ROBO2: variants seen among roughly 807,000 people sequenced by gnomAD.
The protein encoded by ROBO2 is roundabout homolog 2.
ROBO2 carries 53 observed loss-of-function variants against 160.8 expected under a neutral mutation model. The observed-to-expected ratio is 0.33, with a 90% CI of 0.26 to 0.41. ROBO2 has a LOEUF of 0.41. Ranked by LOEUF, ROBO2 falls within the 10% of genes least tolerant of loss-of-function variation. The pLI, the probability that ROBO2 is intolerant of heterozygous loss-of-function variation, is 1.00. For synonymous variants in ROBO2, 664 were observed against 611.7 expected (o/e 1.09, Z -1.26); for missense variants, 1,577 against 1,722.4 (o/e 0.92, Z 1.49).
chr3:76,390,367 G>A (rs942948169), intron 2 of ROBO2, among the ~76,000 whole-genome samples: 15 of 151,964 alleles, frequency 9.9e-5, no homozygotes, highest in African/African-American at 3.6e-4. Context: ...AAACTATTCT[G>A]TATGTATTTG....
chr3:76,372,480 G>T (rs1290912843), intron 2 of ROBO2, among the ~76,000 whole-genome samples: 1 of 151,852 alleles, frequency 6.6e-6, no homozygotes, highest in East Asian at 1.9e-4. Context: ...TTTTTATATG[G>T]TAAAATATTT....
chr3:76,191,060 G>A (rs1465117810), intron 2 of ROBO2, among the ~76,000 whole-genome samples: 1 of 152,052 alleles, frequency 6.6e-6, no homozygotes, highest in Admixed American at 6.6e-5. Context: ...TATCAAGATA[G>A]CAACAGTAGA....
At chr3:76,458,941 G>T (rs575718185) in intron 2 of ROBO2, among the ~76,000 whole-genome samples, 1 of 152,250 alleles carries the variant, frequency 6.6e-6, no homozygotes, top group African/African-American at 2.4e-5. Context: ...TTCAAGTTTA[G>T]GTTTGGGGGA....
intron 2 of ROBO2, among the ~76,000 whole-genome samples, chr3:76,250,723 G>A (rs1705940185): frequency 6.6e-6 from 1 of 151,956 alleles, no homozygotes; most frequent in African/African-American, 2.4e-5. Flanking sequence ...CAAATTTTAA[G>A]TACTAATAGT....
intron 2 of ROBO2, among the ~76,000 whole-genome samples, chr3:76,746,530 T>C (rs956102314): frequency 2.8e-4 from 43 of 151,912 alleles, no homozygotes; most frequent in African/African-American, 8.0e-4. Context: ...GCCATTCTAA[T>C]TGGTGTGAGA....
At chr3:76,863,087 G>C (rs1280324634) in intron 2 of ROBO2, among the ~76,000 whole-genome samples, 1 of 151,832 alleles carries the variant, frequency 6.6e-6, no homozygotes, top group Non-Finnish European at 1.5e-5. Context: ...TATTATAAAG[G>C]GCAAAAATTG....
At chr3:76,763,540 C>A (rs573422001) in intron 2 of ROBO2, among the ~76,000 whole-genome samples, 83 of 146,632 alleles carry the variant, frequency 5.7e-4, no homozygotes, top group Middle Eastern at 6.8e-3. Flanking sequence ...ATTACTTATT[C>A]AATCCTCCTT....
rs879328622 is a variant in ROBO2, at chr3:76,127,597, A to AAATATATAT, written c.109+189996_109+189997insATATATATA. On this transcript the variant is annotated intron_variant, in intron 2 of 26. Transcript: ENST00000487694. Reference sequence around the variant, plus strand: ...GTGCTTTCTCTATATGGTTTGAAAAAATATATATATATATATACATATACT... The same window carrying AAATATATAT: ...GTGCTTTCTCTATATGGTTTGAAAAAAATATATATATATATATATATATATACATATACT... 3.8e-3 allele frequency among the ~76,000 whole-genome samples: 452 copies of AAATATATAT among 118,394 alleles called. 7 individuals are homozygous for AAATATATAT. Among genetic ancestry groups the AAATATATAT allele is most frequent in the East Asian group, 0.029 (63 of 2,200 alleles). The allele number at this position is 118,394 out of a possible 152,430, so 77.7% of individuals were successfully genotyped here. A position where few individuals can be genotyped will look rare whatever the true frequency, so the allele number is the denominator to read the frequency against.
At chr3:77,060,469 T>C (rs1292524613) in intron 1 of ROBO2, among the ~76,000 whole-genome samples, 1 of 152,206 alleles carries the variant, frequency 6.6e-6, no homozygotes, top group African/African-American at 2.4e-5. Context: ...TTAACACTTG[T>C]ATTTGGATTG....
intron 2 of ROBO2, among the ~76,000 whole-genome samples, chr3:76,473,545 T>A (rs756466661): frequency 1.7e-4 from 26 of 152,046 alleles, no homozygotes; most frequent in Admixed American, 3.3e-4. Flanking sequence ...CCTTTGAGAG[T>A]CTGACTAGAA....
intron 2 of ROBO2, among the ~76,000 whole-genome samples, chr3:76,950,945 C>T (rs1180595483): frequency 6.6e-6 from 1 of 152,142 alleles, no homozygotes; most frequent in East Asian, 1.9e-4. Context: ...CCAGGCTGGT[C>T]TGGAACTCCC....
intron 2 of ROBO2, among the ~76,000 whole-genome samples, chr3:76,190,213 G>C (rs1039160592): frequency 6.6e-6 from 1 of 151,878 alleles, no homozygotes; most frequent in Non-Finnish European, 1.5e-5. Context: ...ACAAAAACTT[G>C]GTTTGAATAC....
At chr3:76,202,168 G>A (rs943110516) in intron 2 of ROBO2, among the ~76,000 whole-genome samples, 2 of 152,028 alleles carry the variant, frequency 1.3e-5, no homozygotes, top group African/African-American at 4.8e-5. Flanking sequence ...CACATATATC[G>A]TGTTATGCTT....
intron 2 of ROBO2, among the ~76,000 whole-genome samples, chr3:76,279,439 T>C (rs921456744): frequency 6.6e-5 from 10 of 151,928 alleles, no homozygotes; most frequent in African/African-American, 1.9e-4. Context: ...GTCTTTGGCA[T>C]TGAATATTCT....
intron 23 of ROBO2, chr3:77,634,413 AT>A: frequency 5.4e-6 from 1 of 186,232 alleles, no homozygotes; most frequent in South Asian, 1.0e-4. Context: ...ACTATATGAC[AT>A]TTTTCTGTGT....
intron 2 of ROBO2, among the ~76,000 whole-genome samples, chr3:76,936,546 A>T (rs1324670442): frequency 2.6e-5 from 4 of 151,972 alleles, no homozygotes; most frequent in African/African-American, 9.7e-5. Context: ...TTTATGAGGT[A>T]TTAAAAGCAA....
intron 2 of ROBO2, among the ~76,000 whole-genome samples, chr3:76,905,754 G>C (rs752857423): frequency 6.6e-6 from 1 of 152,218 alleles, no homozygotes; most frequent in Non-Finnish European, 1.5e-5. Context: ...TACTATGACT[G>C]TCTTACATGC....
chr3:76,708,368 G>A (rs2093215571), intron 2 of ROBO2, among the ~76,000 whole-genome samples: 1 of 152,192 alleles, frequency 6.6e-6, no homozygotes. Context: ...TTGGCAGTAG[G>A]AAAGAACATG....
chr3:77,081,083 C>A (rs2068603947), intron 1 of ROBO2, among the ~76,000 whole-genome samples: 1 of 152,032 alleles, frequency 6.6e-6, no homozygotes, highest in African/African-American at 2.4e-5. Context: ...TGTTTGACAT[C>A]TATGGGCTAG....
Sources: gnomAD v4.1 joint callset for allele counts (sites outside exome capture counted in the v4.1 genomes callset) on GRCh38, gnomAD v4.1.1 for gene constraint, MANE v1.5 for transcripts, NCBI Gene and HGNC (gene_info 2026-07-23, HGNC 2026-07-21) for gene names.